HYDIN: variants seen among roughly 807,000 people sequenced by gnomAD.
HYDIN encodes the protein axonemal central pair apparatus protein HYDIN.
HYDIN carries 132 observed loss-of-function variants against 403.9 expected under a neutral mutation model. The ratio of observed to expected loss-of-function variants is 0.33; its 90% CI spans 0.28 to 0.38. HYDIN has a LOEUF of 0.38. HYDIN is among the 10% of genes least tolerant of loss of function. The probability of loss-of-function intolerance (pLI) is 1.00; values close to 1 mark genes in which losing one functional copy is unlikely to be tolerated. For synonymous variants in HYDIN, 1,202 were observed against 1,891.7 expected, an observed-to-expected ratio of 0.64 and a Z score of 9.46; for missense variants, 2,827 against 5,009.5, an observed-to-expected ratio of 0.56 and a Z score of 13.15.
At chr16:70,995,967 AT>A (rs1471817486) in intron 23 of HYDIN, among the ~76,000 whole-genome samples, 6 of 150,276 alleles carry the variant, frequency 4.0e-5, no homozygotes, top group African/African-American at 1.5e-4. Context: ...CCTCTGGAGC[AT>A]TGCCCTGGCC....
At chr16:71,076,038 C>T (rs1226501583) in intron 13 of HYDIN, 1 of 315,508 alleles carries the variant, frequency 3.2e-6, no homozygotes, top group Non-Finnish European at 6.4e-6. Flanking sequence ...CCCTTCCTCC[C>T]ACTCATGGTT....
At chr16:70,911,339 A>G (rs1256333365) in intron 47 of HYDIN, among the ~76,000 whole-genome samples, 1 of 151,318 alleles carries the variant, frequency 6.6e-6, no homozygotes, top group South Asian at 2.1e-4. Flanking sequence ...TGGCTAGCCA[A>G]TTATCCCAGC....
chr16:71,093,768 C>T, intron 11 of HYDIN, 49 bp downstream of exon 11: 1 of 1,581,658 alleles, frequency 6.3e-7, no homozygotes, highest in Non-Finnish European at 8.6e-7. Context: ...AAACAAACCC[C>T]AAAAGCCAAG....
At chr16:70,898,272 C>CT in intron 53 of HYDIN, among the ~76,000 whole-genome samples, 1 of 152,186 alleles carries the variant, frequency 6.6e-6, no homozygotes, top group East Asian at 1.9e-4. Flanking sequence ...TGCCTGCCTC[C>CT]TGTGCATCCC....
intron 28 of HYDIN, among the ~76,000 whole-genome samples, chr16:70,982,288 A>C (rs2079070399): frequency 6.6e-6 from 1 of 151,544 alleles, no homozygotes; most frequent in Non-Finnish European, 1.5e-5. Flanking sequence ...AAAACTCAAA[A>C]ACCTTAGAGT....
At chr16:70,890,719 T>A (rs2041414853) in intron 57 of HYDIN, among the ~76,000 whole-genome samples, 1 of 151,574 alleles carries the variant, frequency 6.6e-6, no homozygotes, top group Non-Finnish European at 1.5e-5. Context: ...GACAAATTGT[T>A]TTGGGTGAAT....
At position 70,803,099 on chromosome 16, in the gene HYDIN, A is replaced by G. The variant is rs1446973861; in HGVS notation, c.*4481T>C. On this transcript the variant is annotated 3_prime_UTR_variant, in exon 86 of 86. Transcript: ENST00000393567. ...TTGCTTTTTGGTTTGGCTTTTTCTT[A>G]GAGGTGAACTGAATTTCCCAAGGGT... is the stretch of plus-strand genomic sequence containing the variant. Among the ~76,000 whole-genome samples the G allele has an allele frequency of 1.3e-5, 2 of 152,202 alleles. No homozygotes were observed. Among genetic ancestry groups the G allele is most frequent in the African/African-American group, 4.8e-5 (2 of 41,452 alleles).
rs187334064 is a variant in HYDIN, at chr16:71,220,333, T to C, written c.-24+10229A>G. Reference sequence around the variant, plus strand: ...TAATAACTTCCTTCTACTTTGTGATTGCATAAATCATTCTCACACACAAGC... The same window carrying C: ...TAATAACTTCCTTCTACTTTGTGATCGCATAAATCATTCTCACACACAAGC... On this transcript the variant is annotated intron_variant, in intron 1 of 85. Transcript: ENST00000393567. 1.9e-3 allele frequency among the ~76,000 whole-genome samples: 285 copies of C among 152,312 alleles called. 5 individuals are homozygous for C. Among genetic ancestry groups the C allele is most frequent in the African/African-American group, 6.5e-3 (269 of 41,564 alleles).
At chr16:71,040,923 G>A (rs191239855) in intron 18 of HYDIN, among the ~76,000 whole-genome samples, 1,576 of 142,968 alleles carry the variant, frequency 0.011, 51 homozygotes, top group African/African-American at 0.039. Flanking sequence ...TCCGACCCAC[G>A]AAAAACTTAA....
rs770496919 is a variant in HYDIN, at chr16:70,943,911, G to A, written c.6570C>T (p.Arg2190=). Residue 2190 remains arginine, a synonymous_variant, in exon 42 of 86, where the codon CGC becomes CGT. Coordinates refer to ENST00000393567, the MANE Select transcript of HYDIN (RefSeq NM_001270974.2). ...SSPLPPGPIH[R]WLSVSPSVGG... Reference sequence around the variant, plus strand: ...CGACACTGGGACTAACACTGAGCCAGCGGTGGATGGGCCCCGGGGGGAGAG... The same window carrying A: ...CGACACTGGGACTAACACTGAGCCAACGGTGGATGGGCCCCGGGGGGAGAG... 6.2e-7 allele frequency: 1 copy of A among 1,613,484 alleles called. No individual in the cohort carries two copies. Among genetic ancestry groups the A allele is most frequent in the Admixed American group, 1.7e-5 (1 of 59,978 alleles).
At chr16:71,228,465 GA>G (rs1281890702) in intron 1 of HYDIN, among the ~76,000 whole-genome samples, 1 of 151,888 alleles carries the variant, frequency 6.6e-6, no homozygotes, top group East Asian at 1.9e-4. Context: ...AAATTTACAA[GA>G]AAAAAACAAA....
chr16:70,985,428 T>A (rs781601303), intron 27 of HYDIN, 106 bp from the exon 28 acceptor site: 3 of 1,148,670 alleles, frequency 2.6e-6, no homozygotes, highest in Non-Finnish European at 3.7e-6. Context: ...GCTCCTGATA[T>A]AAATACTGGT....
chr16:71,120,048 C>T (rs927450766), intron 9 of HYDIN, among the ~76,000 whole-genome samples: 9 of 151,750 alleles, frequency 5.9e-5, no homozygotes, highest in Non-Finnish European at 1.3e-4. Context: ...CCCAGTTCTA[C>T]AAAACCTGCC....
At chr16:70,943,773 G>A (rs371605116) in intron 42 of HYDIN, 39 bp downstream of exon 42, 93 of 1,598,364 alleles carry the variant, frequency 5.8e-5, no homozygotes, top group Non-Finnish European at 6.7e-5. Flanking sequence ...GTGCGTGAAT[G>A]CCAAGCCCTG....
intron 67 of HYDIN, among the ~76,000 whole-genome samples, chr16:70,864,170 A>C (rs1189005834): frequency 4.0e-5 from 6 of 150,436 alleles, no homozygotes; most frequent in African/African-American, 1.5e-4. Flanking sequence ...GTCTCTTCTA[A>C]AAATACAAAA....
intron 1 of HYDIN, among the ~76,000 whole-genome samples, chr16:71,194,523 C>T (rs913847418): frequency 3.9e-5 from 6 of 152,144 alleles, no homozygotes; most frequent in African/African-American, 1.4e-4. Context: ...GGTCATCAGA[C>T]CTAGGTTTAA....
intron 6 of HYDIN, among the ~76,000 whole-genome samples, chr16:71,158,595 A>T: frequency 1.1e-5 from 1 of 92,252 alleles, no homozygotes; most frequent in Non-Finnish European, 2.2e-5. Flanking sequence ...TTTTCATAGA[A>T]AAAAAAAAAT....
intron 23 of HYDIN, among the ~76,000 whole-genome samples, chr16:70,992,956 C>T (rs921682595): frequency 6.6e-5 from 10 of 152,180 alleles, no homozygotes; most frequent in Admixed American, 3.3e-4. Flanking sequence ...TTCTTCTGGA[C>T]CCCTCTCTGA....
chr16:70,876,183 A>ATT (rs796608303), intron 62 of HYDIN, among the ~76,000 whole-genome samples: 46 of 141,866 alleles, frequency 3.2e-4, no homozygotes, highest in African/African-American at 1.1e-3. Flanking sequence ...TTGTCTGCAC[A>ATT]TTTTTTTTTT....
Sources: allele counts gnomAD v4.1 joint callset (sites outside exome capture counted in the v4.1 genomes callset), GRCh38; gene constraint gnomAD v4.1.1; transcripts MANE v1.5; gene names NCBI Gene and HGNC (gene_info 2026-07-23, HGNC 2026-07-21).